The following PARD3B variants were observed in gnomAD, a reference collection of about 807,000 sequenced individuals.
PARD3B encodes the protein par-3 family cell polarity regulator beta, also known as partitioning defective 3 homolog B.
PARD3B carries 103 observed loss-of-function variants against 130.2 expected under a neutral mutation model. That is an observed-to-expected ratio of 0.79 (90% CI 0.67 to 0.93). The LOEUF (loss-of-function observed/expected upper bound fraction) is 0.93. Among genes scored for constraint, PARD3B ranks in the 40% least tolerant of loss-of-function variants. PARD3B has a pLI of 0.00. For missense variants in PARD3B, 1,609 were observed against 1,499.2 expected, an observed-to-expected ratio of 1.07 and a Z score of -1.21; for synonymous variants, 583 against 553.2, an observed-to-expected ratio of 1.05 and a Z score of -0.76.
chr2:205,472,490 A>T (rs1237610081), intron 20 of PARD3B, among the ~76,000 whole-genome samples: 1 of 152,208 alleles, frequency 6.6e-6, no homozygotes, highest in Non-Finnish European at 1.5e-5. Flanking sequence ...ATTTTGTATC[A>T]TATAAATATG....
intron 2 of PARD3B, among the ~76,000 whole-genome samples, chr2:204,686,692 A>G (rs970012898): frequency 6.6e-6 from 1 of 152,190 alleles, no homozygotes; most frequent in Non-Finnish European, 1.5e-5. Context: ...ATGAAGAATT[A>G]CAGTGAAGAT....
At chr2:205,197,852 G>C (rs2036780413) in intron 15 of PARD3B, among the ~76,000 whole-genome samples, 1 of 152,122 alleles carries the variant, frequency 6.6e-6, no homozygotes, top group Non-Finnish European at 1.5e-5. Flanking sequence ...AATTGAGCTT[G>C]TGTGGGTGTT....
chr2:204,875,229 T>C lies in PARD3B; in HGVS notation c.223-89923T>C, dbSNP rs192758251. ...ATTTTAATCACCTCAGAAACAAGCC[T>C]TTTACTCATTGGCAGTCACTCTCCA... On this transcript the variant is annotated intron_variant, in intron 2 of 22. Coordinates refer to ENST00000406610, the MANE Select transcript of PARD3B (RefSeq NM_001302769.2). 2.4e-4 allele frequency among the ~76,000 whole-genome samples: 36 copies of C among 152,322 alleles called. No homozygotes were observed. In the East Asian group the frequency reaches 6.6e-3, roughly 28 times the overall value.
Position 205,608,000 on chromosome 2 carries a change from G to A in PARD3B, c.3261-7456G>A, listed in dbSNP as rs149572603. Among the ~76,000 whole-genome samples the A allele has an allele frequency of 3.7e-3, 564 of 152,208 alleles. 3 individuals are homozygous for A. Among genetic ancestry groups the A allele is most frequent in the African/African-American group, 0.013 (538 of 41,528 alleles). ...ACATCAAAATCTTCCTATTGCACAGGCTTTAGAAATTAATGGGAGGGGAAA... is the reference window on the plus strand; with the variant it reads ...ACATCAAAATCTTCCTATTGCACAGACTTTAGAAATTAATGGGAGGGGAAA... On this transcript the variant is annotated intron_variant, in intron 22 of 22. Transcript: ENST00000406610.
At chr2:205,567,601 C>T (rs1357576462) in intron 22 of PARD3B, among the ~76,000 whole-genome samples, 1 of 151,178 alleles carries the variant, frequency 6.6e-6, no homozygotes, top group African/African-American at 2.4e-5. Context: ...GGATTACAGG[C>T]ATGAGCCACC....
intron 2 of PARD3B, among the ~76,000 whole-genome samples, chr2:204,913,895 G>T (rs1323625128): frequency 6.6e-6 from 1 of 152,164 alleles, no homozygotes; most frequent in Non-Finnish European, 1.5e-5. Flanking sequence ...GTTTTGTTTG[G>T]TCTAAAGGCA....
intron 3 of PARD3B, among the ~76,000 whole-genome samples, chr2:204,989,000 G>A (rs1208074478): frequency 6.6e-6 from 1 of 152,156 alleles, no homozygotes; most frequent in Non-Finnish European, 1.5e-5. Flanking sequence ...GGCACTGGGT[G>A]GTAAACCTCC....
intron 2 of PARD3B, among the ~76,000 whole-genome samples, chr2:204,880,360 A>T (rs1366471248): frequency 6.6e-6 from 1 of 152,120 alleles, no homozygotes; most frequent in East Asian, 1.9e-4. Context: ...ATGTACATGC[A>T]GTTTGAAATG....
intron 2 of PARD3B, among the ~76,000 whole-genome samples, chr2:204,735,706 A>G (rs2039715783): frequency 6.6e-6 from 1 of 152,154 alleles, no homozygotes; most frequent in Non-Finnish European, 1.5e-5. Context: ...GCCGTTAGAC[A>G]TAGTGGAATT....
chr2:205,349,167 T>C (rs190804193), intron 18 of PARD3B, among the ~76,000 whole-genome samples: 1 of 152,292 alleles, frequency 6.6e-6, no homozygotes, highest in African/African-American at 2.4e-5. Flanking sequence ...GGCAGAAAGA[T>C]AGAAAAAGAT....
intron 2 of PARD3B, among the ~76,000 whole-genome samples, chr2:204,878,734 G>T (rs182039069): frequency 1.1e-4 from 16 of 152,230 alleles, no homozygotes; most frequent in African/African-American, 3.9e-4. Flanking sequence ...TTTCTTTGAG[G>T]AGCCATATTG....
Position 205,015,337 on chromosome 2 carries a change from G to A in PARD3B, c.395-32244G>A, listed in dbSNP as rs1696057039. ...TTGAGTAGATGGAGGAAGAGAAGGG[G>A]TTGGTCTTGCTCTCTCAGGGGTGGC... On this transcript the variant is annotated intron_variant, in intron 3 of 22. Coordinates refer to ENST00000406610, the MANE Select transcript of PARD3B (RefSeq NM_001302769.2). This position sits in a 1 kb window ranked among gnomAD's most constrained non-coding sequence, Gnocchi z 4.5. Among the ~76,000 whole-genome samples the A allele has an allele frequency of 1.3e-5, 2 of 152,104 alleles. No homozygotes were observed. The highest frequency in any genetic ancestry group is 4.2e-4 in the South Asian group (2 of 4,818).
At chr2:204,590,008 T>C (rs2033007681) in intron 1 of PARD3B, among the ~76,000 whole-genome samples, 1 of 152,194 alleles carries the variant, frequency 6.6e-6, no homozygotes, top group Non-Finnish European at 1.5e-5. Flanking sequence ...TTCCCACATA[T>C]GAAATGGGAA....
intron 15 of PARD3B, among the ~76,000 whole-genome samples, chr2:205,221,611 A>T (rs1011265925): frequency 6.6e-6 from 1 of 152,138 alleles, no homozygotes; most frequent in African/African-American, 2.4e-5. Context: ...TCTTCTTTCT[A>T]ATAATGGCAT....
intron 2 of PARD3B, among the ~76,000 whole-genome samples, chr2:204,690,494 G>C (rs1013580379): frequency 2.0e-5 from 3 of 152,134 alleles, no homozygotes; most frequent in African/African-American, 7.2e-5. Context: ...GAGTATTAGA[G>C]AGATAAATGT....
intron 3 of PARD3B, among the ~76,000 whole-genome samples, chr2:204,982,197 G>T (rs1370710939): frequency 6.6e-6 from 1 of 152,116 alleles, no homozygotes; most frequent in Non-Finnish European, 1.5e-5. Context: ...ACACAAGTAG[G>T]CCAGGAAGGA....
chr2:205,090,356 A>G (rs1344368417), intron 4 of PARD3B, among the ~76,000 whole-genome samples: 4 of 152,166 alleles, frequency 2.6e-5, no homozygotes, highest in Non-Finnish European at 5.9e-5. Flanking sequence ...TGAGTAAGTG[A>G]TCTGTTACAG....
At chr2:204,790,479 G>A (rs2042162389) in intron 2 of PARD3B, among the ~76,000 whole-genome samples, 1 of 152,198 alleles carries the variant, frequency 6.6e-6, no homozygotes, top group Non-Finnish European at 1.5e-5. Flanking sequence ...TTGAAGTTCA[G>A]GGAAGAGATT....
rs113261419 is a variant in PARD3B at position 205,161,790 on chromosome 2, C to A, written c.1620+2883C>A. Among the ~76,000 whole-genome samples the A allele has an allele frequency of 2.3e-3, 346 of 152,312 alleles. 6 individuals carry two copies. The East Asian group carries it at 0.031, about 14-fold the overall frequency. On this transcript the variant is annotated intron_variant, in intron 11 of 22. Coordinates refer to ENST00000406610, the MANE Select transcript of PARD3B (RefSeq NM_001302769.2). Reference sequence around the variant, plus strand: ...AATAATCTTTCAACCAGAGCACAATCTTTTTCTCCTCGCCCTTCATACCAC... The same window carrying A: ...AATAATCTTTCAACCAGAGCACAATATTTTTCTCCTCGCCCTTCATACCAC...
Sources: gnomAD v4.1 joint callset for allele counts (sites outside exome capture counted in the v4.1 genomes callset) on GRCh38, gnomAD v4.1.1 for gene constraint, Gnocchi (gnomAD v3.1) non-coding constraint, MANE v1.5 for transcripts, NCBI Gene and HGNC (gene_info 2026-07-23, HGNC 2026-07-21) for gene names.